DLG2: variants seen among roughly 807,000 people sequenced by gnomAD.
DLG2 encodes discs large MAGUK scaffold protein 2.
DLG2 carries 45 observed loss-of-function variants against 132.5 expected under a neutral mutation model. The observed-to-expected ratio is 0.34, with a 90% confidence interval of 0.27 to 0.44. DLG2 has a LOEUF of 0.44. Ranked by LOEUF, DLG2 falls within the 20% of genes least tolerant of loss-of-function variation. The pLI is 1.00. For missense variants in DLG2, 1,045 were observed against 1,196.9 expected, an observed-to-expected ratio of 0.87 and a Z score of 1.87; for synonymous variants, 424 against 419.6, an observed-to-expected ratio of 1.01 and a Z score of -0.13.
intron 16 of DLG2, among the ~76,000 whole-genome samples, chr11:83,862,992 G>C (rs922340161): frequency 3.9e-5 from 6 of 152,116 alleles, no homozygotes; most frequent in Admixed American, 1.3e-4. Context: ...TTTCAACATG[G>C]AAAAAGGAGA....
chr11:84,279,781 G>A (rs1286129882), intron 7 of DLG2, among the ~76,000 whole-genome samples: 1 of 152,130 alleles, frequency 6.6e-6, no homozygotes, highest in African/African-American at 2.4e-5. Context: ...ACACGGGGAG[G>A]GGAACATCAC....
chr11:85,553,807 T>G (rs899855062), intron 3 of DLG2, among the ~76,000 whole-genome samples: 3 of 151,246 alleles, frequency 2.0e-5, no homozygotes, highest in Admixed American at 6.6e-5. Flanking sequence ...AGAAAATCAA[T>G]TTAAGAATTA....
intron 5 of DLG2, among the ~76,000 whole-genome samples, chr11:85,131,964 C>A (rs1028231373): frequency 6.6e-6 from 1 of 151,972 alleles, no homozygotes; most frequent in Admixed American, 6.6e-5. Context: ...GAAAAGGGAA[C>A]TAATGAATAA....
At chr11:84,777,960 A>C (rs1178438009) in intron 6 of DLG2, among the ~76,000 whole-genome samples, 1 of 152,146 alleles carries the variant, frequency 6.6e-6, no homozygotes, top group Non-Finnish European at 1.5e-5. Flanking sequence ...TAGTTTAATT[A>C]AGCCCCATTT....
chr11:84,623,195 T>C (rs2099616839), intron 6 of DLG2, among the ~76,000 whole-genome samples: 1 of 152,022 alleles, frequency 6.6e-6, no homozygotes, highest in African/African-American at 2.4e-5. Context: ...TCATCCTGAG[T>C]TTTCCTACCT....
At chr11:84,157,778 C>T (rs1014179063) in intron 9 of DLG2, among the ~76,000 whole-genome samples, 2 of 152,178 alleles carry the variant, frequency 1.3e-5, no homozygotes, top group Non-Finnish European at 2.9e-5. Context: ...AAGGTCTGTG[C>T]CCTGTACCTA....
At chr11:85,478,276 C>T (rs2093200100) in intron 3 of DLG2, among the ~76,000 whole-genome samples, 1 of 152,052 alleles carries the variant, frequency 6.6e-6, no homozygotes, top group Non-Finnish European at 1.5e-5. Context: ...CCCACCTCAA[C>T]CTTTTAAAAT....
chr11:83,833,998 T>TA (rs1373445311), intron 16 of DLG2, among the ~76,000 whole-genome samples: 1 of 152,204 alleles, frequency 6.6e-6, no homozygotes, highest in Non-Finnish European at 1.5e-5. Flanking sequence ...TCCTTCATTC[T>TA]AAAAAAATTT....
intron 7 of DLG2, among the ~76,000 whole-genome samples, chr11:84,289,790 G>A (rs1314448342): frequency 6.6e-6 from 1 of 152,182 alleles, no homozygotes; most frequent in African/African-American, 2.4e-5. Flanking sequence ...GCAAGATGAT[G>A]AGCAGATTGC....
At chr11:83,718,532 GAAAAAAA>G (rs57237354) in intron 18 of DLG2, among the ~76,000 whole-genome samples, 2 of 106,284 alleles carry the variant, frequency 1.9e-5, no homozygotes, top group Admixed American at 1.2e-4. Flanking sequence ...CTCAAAAAAA[GAAAAAAA>G]AAAAAAAAAA....
intron 6 of DLG2, among the ~76,000 whole-genome samples, chr11:84,558,902 G>C (rs1205550784): frequency 6.6e-6 from 1 of 152,084 alleles, no homozygotes; most frequent in Non-Finnish European, 1.5e-5. Context: ...GTCTCCTCCA[G>C]CAGTTAGCTA....
At chr11:84,833,525 A>T (rs1045822227) in intron 6 of DLG2, among the ~76,000 whole-genome samples, 2 of 151,558 alleles carry the variant, frequency 1.3e-5, no homozygotes, top group Non-Finnish European at 3.0e-5. Flanking sequence ...GGGTTTTCAC[A>T]TTGACATCAT....
intron 9 of DLG2, among the ~76,000 whole-genome samples, chr11:84,112,846 T>G (rs1205157732): frequency 6.6e-6 from 1 of 152,212 alleles, no homozygotes; most frequent in Non-Finnish European, 1.5e-5. Flanking sequence ...TCTGCTGTGT[T>G]CAGATTCTAG....
At chr11:83,896,160 A>C (rs1302206535) in intron 15 of DLG2, among the ~76,000 whole-genome samples, 1 of 152,246 alleles carries the variant, frequency 6.6e-6, no homozygotes. Flanking sequence ...GAATCCATTT[A>C]CTGCCACTTG....
At chr11:84,272,320 T>G in intron 7 of DLG2, 1 of 426,792 alleles carries the variant, frequency 2.3e-6, no homozygotes, top group Non-Finnish European at 4.7e-6. Flanking sequence ...GAAGCATATC[T>G]CTTGAGTTTC....
rs73523801 is a variant in DLG2, at chr11:84,469,379, C to T, written c.519+65191G>A. 2.7e-3 allele frequency among the ~76,000 whole-genome samples: 408 copies of T among 151,640 alleles called. 3 individuals carry two copies. The highest frequency in any genetic ancestry group is 9.6e-3 in the African/African-American group (397 of 41,446). ...TATCCATAAAACATTAGGCTGATGG[C>T]ACAGGAAAGCCCAGAGTCTTATTTG... On this transcript the variant is annotated intron_variant, in intron 7 of 27. Coordinates refer to ENST00000376104, the MANE Select transcript of DLG2 (RefSeq NM_001142699.3).
intron 6 of DLG2, among the ~76,000 whole-genome samples, chr11:84,624,334 T>A (rs1199520931): frequency 6.6e-6 from 1 of 152,226 alleles, no homozygotes; most frequent in Non-Finnish European, 1.5e-5. Context: ...CCACTATATT[T>A]ACAAGTAATT....
intron 19 of DLG2, among the ~76,000 whole-genome samples, chr11:83,628,181 G>T (rs911958397): frequency 6.6e-6 from 1 of 152,060 alleles, no homozygotes; most frequent in Non-Finnish European, 1.5e-5. Context: ...TCACTCTGAT[G>T]GTAGTTTCTT....
In DLG2 at chr11:84,480,153, G is replaced by C. The variant is rs193136265; in HGVS notation, c.519+54417C>G. ...CCTTCATTACACTCCTTAGCAACCTGAAAACAATATGGAAATCTATTATTT... is the reference window on the plus strand; with the variant it reads ...CCTTCATTACACTCCTTAGCAACCTCAAAACAATATGGAAATCTATTATTT... On this transcript the variant is annotated intron_variant, in intron 7 of 27. Coordinates refer to ENST00000376104, the MANE Select transcript of DLG2 (RefSeq NM_001142699.3). Among the ~76,000 whole-genome samples, 328 of 152,226 alleles carry C rather than the reference G, an allele frequency of 2.2e-3. 3 individuals carry two copies. The highest frequency in any genetic ancestry group is 4.5e-3 in the Admixed American group (68 of 15,280).
Sources: allele counts gnomAD v4.1 joint callset (sites outside exome capture counted in the v4.1 genomes callset), GRCh38; gene constraint gnomAD v4.1.1; transcripts MANE v1.5; gene names NCBI Gene and HGNC (gene_info 2026-07-23, HGNC 2026-07-21).